CLDN14: variants seen among roughly 807,000 people sequenced by gnomAD.
The protein encoded by CLDN14 is claudin 14, also known as claudin-14.
Under a neutral mutation model 2.1 loss-of-function variants are expected in CLDN14, and 2 were observed. The ratio of observed to expected loss-of-function variants is 0.96; its 90% confidence interval spans 0.39 to 3.01. The LOEUF is 3.01. CLDN14 is among the 30% of genes most tolerant of loss of function. The pLI is 0.09. For synonymous variants in CLDN14, 136 were observed against 154.4 expected, an observed-to-expected ratio of 0.88 and a Z score of 0.88; for missense variants, 298 against 328.0, an observed-to-expected ratio of 0.91 and a Z score of 0.71.
chr21:36,516,927 G>A (rs1440697996), intron 1 of CLDN14, among the ~76,000 whole-genome samples: 4 of 152,262 alleles, frequency 2.6e-5, no homozygotes, highest in African/African-American at 4.8e-5. Flanking sequence ...CGCAACCTCC[G>A]CTTCCCGGGT....
chr21:36,558,997 T>C (rs897211693), intron 1 of CLDN14, among the ~76,000 whole-genome samples: 3 of 152,164 alleles, frequency 2.0e-5, no homozygotes, highest in Non-Finnish European at 4.4e-5. Context: ...TTACTGCTCT[T>C]ACAAGGACTT....
At chr21:36,539,411 G>C (rs941611335) in intron 1 of CLDN14, among the ~76,000 whole-genome samples, 73 of 144,184 alleles carry the variant, frequency 5.1e-4, no homozygotes, top group African/African-American at 1.6e-3. Context: ...AGTGTGTGTG[G>C]AGTGACTGTG....
chr21:36,493,158 G>A (rs994649643), intron 2 of CLDN14, among the ~76,000 whole-genome samples: 1 of 152,128 alleles, frequency 6.6e-6, no homozygotes, highest in African/African-American at 2.4e-5. Context: ...CGAGCCTCCT[G>A]GACTCAAGGA....
intron 1 of CLDN14, among the ~76,000 whole-genome samples, chr21:36,562,347 C>T (rs968972873): frequency 3.9e-5 from 6 of 152,136 alleles, no homozygotes; most frequent in Non-Finnish European, 7.3e-5. Context: ...AGGAAGTAGG[C>T]TACAGCCAAG....
intron 2 of CLDN14, chr21:36,486,400 G>A: frequency 1.8e-6 from 2 of 1,119,910 alleles, no homozygotes; most frequent in South Asian, 1.3e-5. Flanking sequence ...GCTCGTCTGG[G>A]CTCCTCATCC....
intron 1 of CLDN14, among the ~76,000 whole-genome samples, chr21:36,465,587 G>A (rs1239660509): frequency 1.3e-5 from 2 of 152,168 alleles, no homozygotes; most frequent in Non-Finnish European, 2.9e-5. Flanking sequence ...AACTTTAACT[G>A]AACGCATCTC....
intron 1 of CLDN14, among the ~76,000 whole-genome samples, chr21:36,529,961 C>A (rs896374585): frequency 6.6e-6 from 1 of 152,174 alleles, no homozygotes; most frequent in Non-Finnish European, 1.5e-5. Flanking sequence ...CCCCGAATAA[C>A]AGACACCTGA....
rs1193105887 is a variant in CLDN14 at position 36,540,629 on chromosome 21, G to A, written c.-219-30129C>T. Among the ~76,000 whole-genome samples the A allele has an allele frequency of 7.3e-5, 11 of 151,620 alleles. No individual in the cohort carries two copies. The East Asian group carries it at 2.1e-3, about 29-fold the overall frequency. On this transcript the variant is annotated intron_variant, in intron 1 of 2. Transcript: ENST00000342108. ...GGAGTGTCTCTTTGAGAAAGTGGCT[G>A]TAGGTCAAGTGCTGAGAGAGGGGAG...
Position 36,537,651 on chromosome 21 carries a change from C to CTTTTTTT in CLDN14, c.-219-27152_-219-27151insAAAAAAA, listed in dbSNP as rs371651908. On this transcript the variant is annotated intron_variant, in intron 1 of 2. Coordinates refer to the CLDN14 transcript ENST00000342108. ...CTTCTTTTTTCTTTGTTTTTCTTTT[C>CTTTTTTT]TTTTCTTTTTTTTTTTGAGACGGAG... 1.1e-3 allele frequency among the ~76,000 whole-genome samples: 155 copies of CTTTTTTT among 143,610 alleles called. 10 individuals are homozygous for CTTTTTTT. The highest frequency in any genetic ancestry group is 1.7e-3 in the Non-Finnish European group (110 of 65,656). The allele number at this position is 143,610 out of a possible 152,430, so 94.2% of individuals were successfully genotyped here. A position where few individuals can be genotyped will look rare whatever the true frequency, so the allele number is the denominator to read the frequency against.
chr21:36,476,199 C>T (rs918553459), intron 1 of CLDN14, among the ~76,000 whole-genome samples: 5 of 152,158 alleles, frequency 3.3e-5, no homozygotes, highest in African/African-American at 1.2e-4. Flanking sequence ...ATCCTCTTCT[C>T]CAGCTACAAT....
chr21:36,509,843 C>T (rs1211336407), intron 2 of CLDN14, among the ~76,000 whole-genome samples: 2 of 152,168 alleles, frequency 1.3e-5, no homozygotes, highest in South Asian at 2.1e-4. Context: ...ATCCGCCCAC[C>T]TCAGCCTCCC....
At chr21:36,463,557 C>CA (rs1473939278) in intron 1 of CLDN14, among the ~76,000 whole-genome samples, 1 of 152,064 alleles carries the variant, frequency 6.6e-6, no homozygotes, top group Non-Finnish European at 1.5e-5. Flanking sequence ...ACTAAAAATA[C>CA]AAAAATTAGC....
At chr21:36,543,869 T>C (rs181068491) in intron 1 of CLDN14, among the ~76,000 whole-genome samples, 1 of 152,346 alleles carries the variant, frequency 6.6e-6, no homozygotes, top group African/African-American at 2.4e-5. Context: ...GCCACCCCCA[T>C]ACTGTGGCAT....
At chr21:36,552,669 A>G (rs1391747852) in intron 1 of CLDN14, among the ~76,000 whole-genome samples, 1 of 130,656 alleles carries the variant, frequency 7.7e-6, no homozygotes, top group Non-Finnish European at 1.7e-5. Context: ...TTGAATCCCT[A>G]TGATAAAACA....
chr21:36,477,127 A>C (rs533937060), intron 1 of CLDN14, among the ~76,000 whole-genome samples: 1 of 152,334 alleles, frequency 6.6e-6, no homozygotes, highest in Non-Finnish European at 1.5e-5. Context: ...ATTATTAAGA[A>C]TGTCAAGATG....
upstream of CLDN14, among the ~76,000 whole-genome samples, chr21:36,482,585 C>G (rs957517264): frequency 2.6e-5 from 4 of 152,164 alleles, no homozygotes; most frequent in Non-Finnish European, 5.9e-5. Context: ...GTTGACTAAA[C>G]AAATTAATGA....
At chr21:36,537,015 A>C (rs2087429107) in intron 1 of CLDN14, among the ~76,000 whole-genome samples, 1 of 152,230 alleles carries the variant, frequency 6.6e-6, no homozygotes, top group African/African-American at 2.4e-5. Context: ...ACATGGAGAG[A>C]CCTCGTCTCT....
intron 2 of CLDN14, among the ~76,000 whole-genome samples, chr21:36,489,131 A>AAAAAAAAAAAAATAT: frequency 1.6e-5 from 1 of 62,738 alleles, no homozygotes; most frequent in African/African-American, 5.9e-5. Context: ...AAAAAAAAAA[A>AAAAAAAAAAAAATAT]ATATATATAT....
In CLDN14 at chr21:36,475,823, C is replaced by T. The variant is rs144321230; in HGVS notation, c.-82+3672G>A. Reference sequence around the variant, plus strand: ...GGAGCACAGTAGGATTACAGGTGCACGCCACCACACCCAGCTAATTTTTGT... The same window carrying T: ...GGAGCACAGTAGGATTACAGGTGCATGCCACCACACCCAGCTAATTTTTGT... On this transcript the variant is annotated intron_variant, in intron 1 of 1. Coordinates refer to ENST00000399135, the MANE Select transcript of CLDN14 (RefSeq NM_001146079.2). Among the ~76,000 whole-genome samples, 901 of 152,130 alleles carry T rather than the reference C, an allele frequency of 5.9e-3. 8 individuals carry two copies. The highest frequency in any genetic ancestry group is 0.02 in the African/African-American group (820 of 41,492).
Sources: allele counts gnomAD v4.1 joint callset (sites outside exome capture counted in the v4.1 genomes callset), GRCh38; gene constraint gnomAD v4.1.1; transcripts MANE v1.5; gene names NCBI Gene and HGNC (gene_info 2026-07-23, HGNC 2026-07-21).